Variants in TCF7L2 observed in about 807,000 individuals in gnomAD.
TCF7L2 encodes transcription factor 7 like 2.
A neutral mutation model predicts 77.9 loss-of-function variants in TCF7L2; 23 were observed. The observed-to-expected ratio is 0.30, with a 90% CI of 0.21 to 0.42. TCF7L2 has a LOEUF of 0.42. Ranked by LOEUF, TCF7L2 falls within the 10% of genes least tolerant of loss-of-function variation. TCF7L2 has a pLI of 1.00. For synonymous variants in TCF7L2, 413 were observed against 340.2 expected, an observed-to-expected ratio of 1.21 and a Z score of -2.36; for missense variants, 654 against 793.1, an observed-to-expected ratio of 0.82 and a Z score of 2.11.
chr10:112,967,843 C>T (rs1484237013), intron 4 of TCF7L2, among the ~76,000 whole-genome samples: 2 of 152,136 alleles, frequency 1.3e-5, no homozygotes, highest in African/African-American at 4.8e-5. Flanking sequence ...CCATGTTGGT[C>T]AGGCTGGTCT....
At chr10:113,066,999 A>G (rs1221310547) in intron 5 of TCF7L2, among the ~76,000 whole-genome samples, 2 of 152,258 alleles carry the variant, frequency 1.3e-5, no homozygotes, top group Non-Finnish European at 2.9e-5. Context: ...AGCATTTAAT[A>G]TACTGCTGTT....
intron 4 of TCF7L2, among the ~76,000 whole-genome samples, chr10:112,983,231 G>A (rs887840350): frequency 6.6e-6 from 1 of 151,816 alleles, no homozygotes; most frequent in East Asian, 1.9e-4. Context: ...CAGCACTTTG[G>A]GAGGCCGAGG....
chr10:113,076,863 C>T (rs1304723776), intron 5 of TCF7L2, among the ~76,000 whole-genome samples: 1 of 152,176 alleles, frequency 6.6e-6, no homozygotes, highest in Admixed American at 6.5e-5. Context: ...TTCACCCCAC[C>T]AGATATCAAG....
Position 113,141,306 on chromosome 10 carries a change from C to T in TCF7L2, c.675C>T (p.Asp225=), listed in dbSNP as rs2068326640. ...CTCCACACTTACCAGCCGACGTAGA[C>T]CCCAAAACAGGTAGGCTGTGGGCTA... Residue 225 remains aspartate (D), a synonymous_variant, in exon 6 of 14, where the codon GAC becomes GAT. Transcript: ENST00000627217. The T allele has an allele frequency of 1.9e-6, 3 of 1,614,058 alleles. No homozygotes were observed. The highest frequency in any genetic ancestry group is 2.5e-6 in the Non-Finnish European group (3 of 1,180,036).
chr10:113,120,175 T>A (rs1177216407), intron 5 of TCF7L2, among the ~76,000 whole-genome samples: 1 of 152,236 alleles, frequency 6.6e-6, no homozygotes, highest in East Asian at 1.9e-4. Context: ...AACTTAAAAG[T>A]TCTTTAACTT....
chr10:112,979,485 G>A (rs1384854749), intron 4 of TCF7L2, among the ~76,000 whole-genome samples: 3 of 152,138 alleles, frequency 2.0e-5, no homozygotes, highest in South Asian at 2.1e-4. Flanking sequence ...GACTGGGTGC[G>A]GTGGCTCATG....
intron 5 of TCF7L2, chr10:113,126,731 C>G (rs1355806924): frequency 1.0e-6 from 1 of 985,696 alleles, no homozygotes; most frequent in Non-Finnish European, 1.2e-6. Context: ...TCCCCTGTGC[C>G]GCGGGTGCGC....
chr10:112,992,544 C>T (rs1260314397), intron 4 of TCF7L2, among the ~76,000 whole-genome samples: 6 of 152,060 alleles, frequency 3.9e-5, no homozygotes, highest in East Asian at 1.9e-4. Context: ...CTACGGGAGC[C>T]GGAGGCTGCA....
In TCF7L2 at chr10:113,127,028, A is replaced by G. The variant is rs527876860; in HGVS notation, c.553-14156A>G. 8.5e-5 allele frequency: 62 copies of G among 733,092 alleles called. No individual in the cohort carries two copies. The South Asian group carries it at 3.3e-3, about 39-fold the overall frequency. The allele number at this position is 733,092 out of a possible 1,614,324, so 45.4% of individuals were successfully genotyped here. ...CCATGTTCGCTGTCACTTTGCGGTA[A>G]CTTTCAGGTTGATGTACCTTGACTG... On this transcript the variant is annotated intron_variant, in intron 5 of 13. Coordinates refer to ENST00000627217, the MANE Select transcript of TCF7L2 (RefSeq NM_001146274.2).
chr10:113,167,108 T>C lies in TCF7L2; in HGVS notation c.*1136T>C, dbSNP rs914908530. On this transcript the variant is annotated 3_prime_UTR_variant, in exon 14 of 14. Transcript: ENST00000627217. ...CAGTGAATTTAGCTTTCTCCCTCTT[T>C]TTGATGCTGTAATTTTTGTTCATCA... 7 of 229,772 alleles carry C rather than the reference T, an allele frequency of 3.0e-5. No individual in the cohort carries two copies. The allele number at this position is 229,772 out of a possible 1,614,324, so 14.2% of individuals were successfully genotyped here. A position where few individuals can be genotyped will look rare whatever the true frequency, so the allele number is the denominator to read the frequency against.
intron 4 of TCF7L2, among the ~76,000 whole-genome samples, chr10:113,009,236 A>G (rs2046063106): frequency 6.6e-6 from 1 of 152,116 alleles, no homozygotes; most frequent in Admixed American, 6.5e-5. Flanking sequence ...CTAAATAAAG[A>G]TACTCCTTCC....
chr10:113,047,191 C>A (rs745527342), intron 5 of TCF7L2, among the ~76,000 whole-genome samples: 10 of 152,020 alleles, frequency 6.6e-5, no homozygotes, highest in Admixed American at 6.6e-5. Flanking sequence ...TTGGGATAGA[C>A]CCCAGGACAA....
intron 3 of TCF7L2, among the ~76,000 whole-genome samples, chr10:112,961,914 A>T (rs116105986): frequency 0.026 from 3,800 of 146,832 alleles, 155 homozygotes; most frequent in African/African-American, 0.088. Flanking sequence ...TGTGTGTGAG[A>T]GAGAGAGAGA....
At chr10:112,974,355 G>A (rs2038936654) in intron 4 of TCF7L2, among the ~76,000 whole-genome samples, 1 of 152,186 alleles carries the variant, frequency 6.6e-6, no homozygotes, top group African/African-American at 2.4e-5. Flanking sequence ...AAAAACAACT[G>A]TCGTATCAGC....
At chr10:112,987,331 G>A (rs906549915) in intron 4 of TCF7L2, 26 of 151,746 alleles carry the variant, frequency 1.7e-4, no homozygotes, top group African/African-American at 6.1e-4. Flanking sequence ...TCCCTCCAAG[G>A]ATTGTTGTGA....
At chr10:113,098,286 G>C (rs756531463) in intron 5 of TCF7L2, among the ~76,000 whole-genome samples, 4 of 152,056 alleles carry the variant, frequency 2.6e-5, no homozygotes, top group Admixed American at 2.6e-4. Context: ...GGGGCTTTCC[G>C]CACTGGGATC....
intron 5 of TCF7L2, chr10:113,129,307 T>C (rs1236573007): frequency 1.0e-6 from 1 of 986,096 alleles, no homozygotes; most frequent in African/African-American, 1.7e-5. Context: ...GGTTGATCAT[T>C]TTCCCTCATG....
intron 3 of TCF7L2, among the ~76,000 whole-genome samples, chr10:112,963,116 T>C (rs1216852345): frequency 1.3e-5 from 2 of 152,164 alleles, no homozygotes; most frequent in African/African-American, 2.4e-5. Flanking sequence ...ATATATGTAA[T>C]GTTTTCTATT....
chr10:112,989,129 C>T (rs2042085252), intron 4 of TCF7L2, among the ~76,000 whole-genome samples: 2 of 152,110 alleles, frequency 1.3e-5, no homozygotes, highest in African/African-American at 4.8e-5. Context: ...CAAGGTGAAT[C>T]AGAATCCTTT....
Sources: gnomAD v4.1 joint callset for allele counts (sites outside exome capture counted in the v4.1 genomes callset) on GRCh38, gnomAD v4.1.1 for gene constraint, MANE v1.5 for transcripts, NCBI Gene and HGNC (gene_info 2026-07-23, HGNC 2026-07-21) for gene names.